Variants in SNX29 observed in about 807,000 individuals in gnomAD.
SNX29 encodes sorting nexin-29.
A neutral mutation model predicts 102.1 loss-of-function variants in SNX29; 78 were observed. That is an observed-to-expected ratio of 0.76 (90% CI 0.64 to 0.92). The LOEUF (loss-of-function observed/expected upper bound fraction) is 0.92. SNX29 is among the 40% of genes least tolerant of loss of function. The pLI, the probability that SNX29 is intolerant of heterozygous loss-of-function variation, is 0.00. For synonymous variants in SNX29, 580 were observed against 414.5 expected (o/e 1.40, Z -4.85); for missense variants, 1,280 against 1,061.7 (o/e 1.21, Z -2.86).
At position 12,137,232 on chromosome 16, in the gene SNX29, C is replaced by T. The variant is rs190856911; in HGVS notation, c.1595+7474C>T. Among the ~76,000 whole-genome samples the T allele has an allele frequency of 6.5e-4, 99 of 152,324 alleles. 1 individual carries two copies. The East Asian group carries it at 0.016, about 24-fold the overall frequency. On this transcript the variant is annotated intron_variant, in intron 13 of 20. Transcript: ENST00000566228. Reference sequence around the variant, plus strand: ...AGCATAGCTCCAGGCCCTCAGTAAGCGCTCAGTGAATGTCACCTAATTTCT... The same window carrying T: ...AGCATAGCTCCAGGCCCTCAGTAAGTGCTCAGTGAATGTCACCTAATTTCT...
At chr16:12,392,186 G>C (rs1434582490) in intron 16 of SNX29, among the ~76,000 whole-genome samples, 1 of 152,168 alleles carries the variant, frequency 6.6e-6, no homozygotes, top group Non-Finnish European at 1.5e-5. Context: ...CTCCTCTTTA[G>C]AGGAGATGCC....
At chr16:12,509,089 C>G (rs368755438) in intron 19 of SNX29, among the ~76,000 whole-genome samples, 399 of 152,294 alleles carry the variant, frequency 2.6e-3, no homozygotes, top group African/African-American at 9.3e-3. Flanking sequence ...CCTGTGGCCT[C>G]TGCAGTGAAG....
chr16:12,554,209 A>C (rs1329895544), intron 20 of SNX29, among the ~76,000 whole-genome samples: 5 of 152,248 alleles, frequency 3.3e-5, no homozygotes, highest in African/African-American at 7.2e-5. Flanking sequence ...AACGATGAGC[A>C]TATATAGAGC....
At position 12,143,677 on chromosome 16, in the gene SNX29, A is replaced by G. The variant is rs140306549; in HGVS notation, c.1595+13919A>G. Among the ~76,000 whole-genome samples the G allele has an allele frequency of 5.3e-3, 808 of 152,314 alleles. 9 individuals are homozygous for G. The highest frequency in any genetic ancestry group is 0.019 in the African/African-American group (772 of 41,560). ...TGAGTAACAGACAGCCATGGTGATT[A>G]CTGTTGGTTTCATGGAAGTAAATTA... On this transcript the variant is annotated intron_variant, in intron 13 of 20. Coordinates refer to ENST00000566228, the MANE Select transcript of SNX29 (RefSeq NM_032167.5).
chr16:12,175,255 A>G (rs1367657135), intron 13 of SNX29, among the ~76,000 whole-genome samples: 1 of 151,956 alleles, frequency 6.6e-6, no homozygotes, highest in African/African-American at 2.4e-5. Flanking sequence ...ATGTCCGCCT[A>G]CCCCCCGAAT....
chr16:12,533,093 C>CGG (rs1456420516), intron 20 of SNX29, among the ~76,000 whole-genome samples: 1 of 152,170 alleles, frequency 6.6e-6, no homozygotes, highest in Non-Finnish European at 1.5e-5. Flanking sequence ...ATCACACCTC[C>CGG]GGGGAGGGAC....
At chr16:12,428,389 G>T (rs2085169204) in intron 18 of SNX29, among the ~76,000 whole-genome samples, 1 of 152,116 alleles carries the variant, frequency 6.6e-6, no homozygotes, top group Non-Finnish European at 1.5e-5. Context: ...GCTGGTAGTA[G>T]CCAGTTTCTT....
intron 14 of SNX29, among the ~76,000 whole-genome samples, chr16:12,214,312 A>G (rs1341260066): frequency 2.0e-5 from 3 of 152,158 alleles, no homozygotes; most frequent in Non-Finnish European, 4.4e-5. Flanking sequence ...CCAGACGTAT[A>G]TTTATTGTTG....
chr16:12,259,910 C>T (rs1349554771), intron 14 of SNX29, among the ~76,000 whole-genome samples: 1 of 151,862 alleles, frequency 6.6e-6, no homozygotes, highest in Non-Finnish European at 1.5e-5. Flanking sequence ...ATCCAAAGTG[C>T]CCTGCCACCC....
At chr16:12,013,788 GTA>G (rs2056758266) in intron 3 of SNX29, among the ~76,000 whole-genome samples, 1 of 150,602 alleles carries the variant, frequency 6.6e-6, no homozygotes, top group Admixed American at 6.7e-5. Context: ...GGGATTACAG[GTA>G]CATGCCGCCA....
At chr16:12,475,660 C>G (rs755428100) in intron 18 of SNX29, among the ~76,000 whole-genome samples, 6 of 152,234 alleles carry the variant, frequency 3.9e-5, no homozygotes, top group Non-Finnish European at 8.8e-5. Flanking sequence ...TCATCTAACA[C>G]AAAGCCTATT....
At position 12,199,645 on chromosome 16, in the gene SNX29, C is replaced by A; in HGVS notation, c.1640C>A (p.Ala547Asp). ...LKVQLKKYVGAVQMLKREGQT... is the reference protein window; with the variant it reads ...LKVQLKKYVGDVQMLKREGQT... ...GTCCAACTGAAGAAATATGTAGGAG[C>A]TGTCCAGATGCTGAAAAGAGAAGGT... Residue 547 changes from alanine to aspartate, a missense_variant, in exon 14 of 21, where the codon GCT becomes GAT. Coordinates refer to ENST00000566228, the MANE Select transcript of SNX29 (RefSeq NM_032167.5). 1 of 1,613,350 alleles carries A rather than the reference C, an allele frequency of 6.2e-7. No homozygotes were observed. Among genetic ancestry groups the A allele is most frequent in the Non-Finnish European group, 8.5e-7 (1 of 1,179,622 alleles).
At chr16:12,272,642 G>C (rs2079124724) in intron 14 of SNX29, among the ~76,000 whole-genome samples, 1 of 152,134 alleles carries the variant, frequency 6.6e-6, no homozygotes. Flanking sequence ...ACATAATTTT[G>C]TTTGTGTCTT....
chr16:12,238,225 C>G (rs1297529927), intron 14 of SNX29, among the ~76,000 whole-genome samples: 1 of 151,514 alleles, frequency 6.6e-6, no homozygotes, highest in African/African-American at 2.4e-5. Flanking sequence ...TACCCAGAAC[C>G]TTATTTGTGA....
chr16:12,514,055 G>T (rs1358123009), intron 19 of SNX29, among the ~76,000 whole-genome samples: 3 of 152,224 alleles, frequency 2.0e-5, no homozygotes, highest in Admixed American at 6.5e-5. Context: ...ATTGCGGCTT[G>T]CTCCCTGCAT....
At chr16:12,530,106 T>A (rs1235479258) in intron 20 of SNX29, among the ~76,000 whole-genome samples, 2 of 152,254 alleles carry the variant, frequency 1.3e-5, no homozygotes, top group Non-Finnish European at 2.9e-5. Context: ...TGGCCTGCTC[T>A]GCTGACTTAC....
At chr16:12,526,924 C>T (rs569335169) in intron 20 of SNX29, 490 of 392,448 alleles carry the variant, frequency 1.2e-3, no homozygotes, top group African/African-American at 8.0e-3. Context: ...TCAGTCAGCA[C>T]GGAGAGAGAA....
chr16:12,422,490 A>G (rs2084911567), intron 18 of SNX29, among the ~76,000 whole-genome samples: 1 of 152,238 alleles, frequency 6.6e-6, no homozygotes, highest in African/African-American at 2.4e-5. Context: ...CCCCTGCTGC[A>G]AAAAGCAGCT....
chr16:12,508,389 G>A (rs546775563), intron 19 of SNX29, among the ~76,000 whole-genome samples: 1 of 152,356 alleles, frequency 6.6e-6, no homozygotes, highest in South Asian at 2.1e-4. Context: ...TAGCAGCGGG[G>A]CCGCAACAAG....
Sources: allele counts gnomAD v4.1 joint callset (sites outside exome capture counted in the v4.1 genomes callset), GRCh38; gene constraint gnomAD v4.1.1; transcripts MANE v1.5; gene names NCBI Gene and HGNC (gene_info 2026-07-23, HGNC 2026-07-21).